Variants in CCDC178 observed in about 807,000 individuals in gnomAD.
The protein encoded by CCDC178 is coiled-coil domain-containing protein 178.
In CCDC178, 126 loss-of-function variants were observed where a neutral mutation model predicts 117.4. The observed-to-expected ratio is 1.07, with a 90% CI of 0.93 to 1.24. CCDC178 has a LOEUF of 1.24. Ranked by LOEUF, CCDC178 falls within the 50% of genes most tolerant of loss-of-function variation. The pLI, the probability that CCDC178 is intolerant of heterozygous loss-of-function variation, is 0.00. For synonymous variants in CCDC178, 283 were observed against 313.4 expected, an observed-to-expected ratio of 0.90 and a Z score of 1.02; for missense variants, 1,030 against 986.9, an observed-to-expected ratio of 1.04 and a Z score of -0.59.
chr18:33,203,708 T>C (rs2059017574), intron 20 of CCDC178, among the ~76,000 whole-genome samples: 1 of 152,178 alleles, frequency 6.6e-6, no homozygotes, highest in Non-Finnish European at 1.5e-5. Context: ...CTCCATTTCA[T>C]TCTAAGTAAA....
At chr18:33,143,141 T>C (rs1397877502) in intron 20 of CCDC178, among the ~76,000 whole-genome samples, 1 of 152,126 alleles carries the variant, frequency 6.6e-6, no homozygotes, top group East Asian at 1.9e-4. Context: ...CTTTTCCTCA[T>C]TAAGAAGCAA....
Position 33,376,042 on chromosome 18 carries a change from G to A in CCDC178, c.209-5853C>T, listed in dbSNP as rs141377803. Among the ~76,000 whole-genome samples, 24 of 152,304 alleles carry A rather than the reference G, an allele frequency of 1.6e-4. No homozygotes were observed. The East Asian group carries it at 2.3e-3, about 15-fold the overall frequency. On this transcript the variant is annotated intron_variant, in intron 5 of 22. Transcript: ENST00000383096. ...GCGGGTGACTTGAGAAACCAAGTGC[G>A]CAGCTTGACTTATGGACTTGGGTTT...
At chr18:33,046,064 T>C (rs1476401722) in intron 21 of CCDC178, among the ~76,000 whole-genome samples, 1 of 152,188 alleles carries the variant, frequency 6.6e-6, no homozygotes, top group African/African-American at 2.4e-5. Context: ...GGAGACTCCA[T>C]CTCAAAATAA....
intron 20 of CCDC178, among the ~76,000 whole-genome samples, chr18:33,194,832 G>C (rs540227223): frequency 2.7e-5 from 4 of 149,310 alleles, no homozygotes; most frequent in Non-Finnish European, 4.4e-5. Context: ...GAGAGACTGA[G>C]GTGGAAGAAC....
intron 5 of CCDC178, among the ~76,000 whole-genome samples, chr18:33,377,783 C>A (rs2063384960): frequency 6.6e-6 from 1 of 152,024 alleles, no homozygotes; most frequent in Non-Finnish European, 1.5e-5. Flanking sequence ...CTTCTAGGTT[C>A]TCCATTCTTT....
chr18:33,077,153 A>G (rs1005845599), intron 21 of CCDC178, among the ~76,000 whole-genome samples: 1 of 152,222 alleles, frequency 6.6e-6, no homozygotes, highest in African/African-American at 2.4e-5. Flanking sequence ...TTGCATTTAA[A>G]GAGAGACAGT....
intron 21 of CCDC178, among the ~76,000 whole-genome samples, chr18:33,041,545 A>G (rs1433214175): frequency 6.6e-6 from 1 of 151,350 alleles, no homozygotes; most frequent in Non-Finnish European, 1.5e-5. Context: ...TCCGTTAATA[A>G]TATCTAATTT....
At chr18:33,241,403 T>C (rs1406157686) in intron 15 of CCDC178, among the ~76,000 whole-genome samples, 1 of 148,504 alleles carries the variant, frequency 6.7e-6, no homozygotes, top group South Asian at 2.1e-4. Context: ...GAAAATCAAA[T>C]TGACCCTCTT....
At chr18:33,064,419 C>A (rs1022988744) in intron 21 of CCDC178, among the ~76,000 whole-genome samples, 2 of 152,092 alleles carry the variant, frequency 1.3e-5, no homozygotes, top group Non-Finnish European at 2.9e-5. Flanking sequence ...TACCATTGAG[C>A]ACTCCAACAA....
chr18:33,211,773 A>G, intron 20 of CCDC178, 123 bp downstream of exon 20: 1 of 712,102 alleles, frequency 1.4e-6, no homozygotes, highest in Non-Finnish European at 2.2e-6. Flanking sequence ...TATTATGTTA[A>G]CAAATTTATT....
intron 21 of CCDC178, among the ~76,000 whole-genome samples, chr18:33,030,305 A>G (rs1183712746): frequency 6.6e-6 from 1 of 152,040 alleles, no homozygotes; most frequent in Admixed American, 6.6e-5. Context: ...CTGTTGTATA[A>G]TACATCATTT....
intron 21 of CCDC178, among the ~76,000 whole-genome samples, chr18:33,004,792 A>G (rs1413835151): frequency 2.0e-5 from 3 of 152,230 alleles, no homozygotes; most frequent in South Asian, 2.1e-4. Flanking sequence ...TCAGATTAAA[A>G]CATGAGCAAA....
At chr18:33,306,505 TTATA>T (rs1234275045) in intron 11 of CCDC178, among the ~76,000 whole-genome samples, 1 of 88,386 alleles carries the variant, frequency 1.1e-5, no homozygotes, top group Non-Finnish European at 2.4e-5. Context: ...ATATATATGG[TTATA>T]TATAATATAT....
intron 11 of CCDC178, among the ~76,000 whole-genome samples, chr18:33,322,283 C>A (rs1002821494): frequency 6.6e-6 from 1 of 151,826 alleles, no homozygotes; most frequent in Non-Finnish European, 1.5e-5. Context: ...AGTGCAGATT[C>A]TCATTTAATA....
intron 21 of CCDC178, among the ~76,000 whole-genome samples, chr18:33,016,962 A>G (rs976104734): frequency 6.6e-6 from 1 of 151,978 alleles, no homozygotes; most frequent in Non-Finnish European, 1.5e-5. Flanking sequence ...GGAACTTCTC[A>G]ATTTGGTAAG....
intron 6 of CCDC178, among the ~76,000 whole-genome samples, chr18:33,367,039 A>G (rs570687778): frequency 6.6e-6 from 1 of 152,102 alleles, no homozygotes; most frequent in East Asian, 1.9e-4. Context: ...AAATGCACCC[A>G]GCGCACATTC....
At position 33,033,933 on chromosome 18, in the gene CCDC178, GTA is replaced by G. The variant is rs763240546; in HGVS notation, c.2388+58826_2388+58827del. 2.3e-4 allele frequency among the ~76,000 whole-genome samples: 34 copies of G among 150,646 alleles called. 1 individual carries two copies. Among genetic ancestry groups the G allele is most frequent in the African/African-American group, 3.7e-4 (15 of 40,980 alleles). On this transcript the variant is annotated intron_variant, in intron 21 of 22. Coordinates refer to ENST00000383096, the MANE Select transcript of CCDC178 (RefSeq NM_001105528.4). ...AACCCAAGACAATATCTGTGTGTGT[GTA>G]TATATATATATGTGTATATATATAA...
chr18:32,958,162 G>T, intron 22 of CCDC178: 1 of 555,490 alleles, frequency 1.8e-6, no homozygotes, highest in South Asian at 2.0e-5. Context: ...GTTTGAAGTG[G>T]TTCATAATTA....
At chr18:33,044,674 G>C (rs1285598849) in intron 21 of CCDC178, among the ~76,000 whole-genome samples, 1 of 151,782 alleles carries the variant, frequency 6.6e-6, no homozygotes, top group Non-Finnish European at 1.5e-5. Context: ...ATACCCAAAG[G>C]GTAAGAAACA....
Sources: allele counts gnomAD v4.1 joint callset (sites outside exome capture counted in the v4.1 genomes callset), GRCh38; gene constraint gnomAD v4.1.1; transcripts MANE v1.5; gene names NCBI Gene and HGNC (gene_info 2026-07-23, HGNC 2026-07-21).